SEMA3A: variants seen among roughly 807,000 people sequenced by gnomAD.
SEMA3A encodes the protein semaphorin-3A.
In SEMA3A, 29 loss-of-function variants were observed where a neutral mutation model predicts 97.9. The ratio of observed to expected loss-of-function variants is 0.30; its 90% CI spans 0.22 to 0.40. SEMA3A has a LOEUF of 0.40. Ranked by LOEUF, SEMA3A falls within the 10% of genes least tolerant of loss-of-function variation. The pLI, the probability that SEMA3A is intolerant of heterozygous loss-of-function variation, is 1.00. For synonymous variants in SEMA3A, 321 were observed against 323.7 expected (o/e 0.99, Z 0.09); for missense variants, 763 against 951.3 (o/e 0.80, Z 2.60).
chr7:84,182,918 A>G (rs1289459325), intron 1 of SEMA3A, among the ~76,000 whole-genome samples: 1 of 152,282 alleles, frequency 6.6e-6, no homozygotes, highest in East Asian at 1.9e-4. Context: ...TGAAAGACAC[A>G]CACTACACAT....
At chr7:84,267,786 T>G (rs2115688673) in intron 3 of SEMA3A, among the ~76,000 whole-genome samples, 1 of 152,260 alleles carries the variant, frequency 6.6e-6, no homozygotes, top group South Asian at 2.1e-4. Context: ...ACACATAGAC[T>G]ACTTAACCAA....
intron 3 of SEMA3A, among the ~76,000 whole-genome samples, chr7:84,230,089 A>T (rs954443655): frequency 6.6e-6 from 1 of 151,900 alleles, no homozygotes; most frequent in African/African-American, 2.4e-5. Context: ...CTGGCATTTG[A>T]CATTCTTAAC....
intron 2 of SEMA3A, among the ~76,000 whole-genome samples, chr7:84,324,125 C>T (rs1246383471): frequency 6.6e-6 from 1 of 152,024 alleles, no homozygotes; most frequent in East Asian, 1.9e-4. Flanking sequence ...GATGGCAGAG[C>T]CAATTTAAAT....
At chr7:84,475,542 A>T (rs1267919282) in intron 1 of SEMA3A, among the ~76,000 whole-genome samples, 1 of 152,258 alleles carries the variant, frequency 6.6e-6, no homozygotes, top group East Asian at 1.9e-4. Flanking sequence ...TTATATAAAA[A>T]TATGATCACA....
rs1395610501 is a variant in SEMA3A, at chr7:84,452,160, CCTATTA to C, written c.-246+40294_-246+40299del. ...ATTCAAAGAAGGATCACACATTTGT[CCTATTA>C]CTTTTTAAGGCTTCAAAGTTCAGTG... On this transcript the variant is annotated intron_variant, in intron 1 of 3. Transcript: ENST00000424555. 2.2e-3 allele frequency among the ~76,000 whole-genome samples: 328 copies of C among 152,242 alleles called. 1 individual carries two copies. The highest frequency in any genetic ancestry group is 7.6e-3 in the African/African-American group (317 of 41,544).
chr7:84,318,307 T>C (rs1008454919), intron 2 of SEMA3A, among the ~76,000 whole-genome samples: 1 of 149,410 alleles, frequency 6.7e-6, no homozygotes, highest in Non-Finnish European at 1.5e-5. Context: ...TGTGAATAAA[T>C]GATTTCTTGG....
intron 2 of SEMA3A, among the ~76,000 whole-genome samples, chr7:84,369,497 C>G (rs1258651039): frequency 6.6e-6 from 1 of 151,048 alleles, no homozygotes; most frequent in Admixed American, 6.6e-5. Flanking sequence ...AAGTGACAGA[C>G]TTGGTACGAA....
chr7:84,149,692 C>G (rs1796570133), intron 1 of SEMA3A, among the ~76,000 whole-genome samples: 1 of 152,112 alleles, frequency 6.6e-6, no homozygotes. Flanking sequence ...GTACCACTGA[C>G]AAAGGCAAAA....
chr7:84,156,554 G>A (rs934728658), intron 1 of SEMA3A, among the ~76,000 whole-genome samples: 1 of 152,028 alleles, frequency 6.6e-6, no homozygotes, highest in African/African-American at 2.4e-5. Context: ...TCACTGACTG[G>A]ATTCTGTATG....
At chr7:84,211,395 G>C (rs1367764779) in intron 3 of SEMA3A, among the ~76,000 whole-genome samples, 2 of 151,890 alleles carry the variant, frequency 1.3e-5, no homozygotes, top group African/African-American at 2.4e-5. Context: ...TGGATCATCT[G>C]AGGTCAGGAG....
chr7:84,313,865 C>A (rs1328503546), intron 2 of SEMA3A, among the ~76,000 whole-genome samples: 2 of 151,842 alleles, frequency 1.3e-5, no homozygotes, highest in African/African-American at 4.8e-5. Context: ...ACTTAGTTTC[C>A]TCCTCTGTGG....
chr7:84,181,327 T>C (rs923054955), intron 1 of SEMA3A, among the ~76,000 whole-genome samples: 1 of 148,166 alleles, frequency 6.7e-6, no homozygotes, highest in Non-Finnish European at 1.5e-5. Context: ...CAAATATATA[T>C]ATATATATAT....
chr7:84,409,833 G>T (rs796485503), intron 1 of SEMA3A, among the ~76,000 whole-genome samples: 24 of 152,162 alleles, frequency 1.6e-4, no homozygotes, highest in African/African-American at 5.8e-4. Context: ...TTAGAAAGAA[G>T]TTATAAAACT....
At chr7:84,228,852 G>T (rs1471332996) in intron 3 of SEMA3A, among the ~76,000 whole-genome samples, 1 of 151,974 alleles carries the variant, frequency 6.6e-6, no homozygotes, top group Non-Finnish European at 1.5e-5. Context: ...GGTTGATCAT[G>T]GTGCCTTCTA....
At chr7:84,139,112 T>C (rs1363031456) in intron 1 of SEMA3A, among the ~76,000 whole-genome samples, 1 of 152,150 alleles carries the variant, frequency 6.6e-6, no homozygotes, top group African/African-American at 2.4e-5. Context: ...CATAAACTGC[T>C]ATGGGAACTA....
At chr7:84,298,103 C>T (rs1293704372) in intron 3 of SEMA3A, among the ~76,000 whole-genome samples, 1 of 151,988 alleles carries the variant, frequency 6.6e-6, no homozygotes, top group African/African-American at 2.4e-5. Flanking sequence ...AGAAATATGG[C>T]CATAAAGGAG....
chr7:84,439,173 G>A (rs1047327145), intron 1 of SEMA3A, among the ~76,000 whole-genome samples: 13 of 151,928 alleles, frequency 8.6e-5, no homozygotes, highest in Non-Finnish European at 1.3e-4. Flanking sequence ...ACAAATAAGA[G>A]ACTGGCAAAT....
At chr7:84,170,634 T>C (rs1291558282) in intron 1 of SEMA3A, among the ~76,000 whole-genome samples, 3 of 152,050 alleles carry the variant, frequency 2.0e-5, no homozygotes, top group South Asian at 2.1e-4. Flanking sequence ...AGTAATTAAC[T>C]TGTTTTATAT....
chr7:84,326,738 A>G (rs1801784455), intron 2 of SEMA3A, among the ~76,000 whole-genome samples: 3 of 151,990 alleles, frequency 2.0e-5, no homozygotes, highest in South Asian at 4.1e-4. Context: ...TCCCTATTCA[A>G]TAATGGTGCT....
Sources: gnomAD v4.1 joint callset for allele counts (sites outside exome capture counted in the v4.1 genomes callset) on GRCh38, gnomAD v4.1.1 for gene constraint, MANE v1.5 for transcripts, NCBI Gene and HGNC (gene_info 2026-07-23, HGNC 2026-07-21) for gene names.